The following CLCN1 variants were observed in gnomAD, a reference collection of about 807,000 sequenced individuals.
CLCN1 encodes chloride voltage-gated channel 1, also known as chloride channel protein 1.
CLCN1 carries 100 observed loss-of-function variants against 114.5 expected under a neutral mutation model. The observed-to-expected ratio is 0.87, with a 90% CI of 0.74 to 1.03. The LOEUF (loss-of-function observed/expected upper bound fraction) is 1.03. Among genes scored for constraint, CLCN1 ranks in the 50% least tolerant of loss-of-function variants. The pLI, the probability that CLCN1 is intolerant of heterozygous loss-of-function variation, is 0.00. For synonymous variants in CLCN1, 485 were observed against 487.1 expected (o/e 1.00, Z 0.06); for missense variants, 1,188 against 1,250.0 (o/e 0.95, Z 0.75).
intron 12 of CLCN1, among the ~76,000 whole-genome samples, chr7:143,333,223 C>T (rs539464310): frequency 3.3e-5 from 5 of 151,870 alleles, no homozygotes; most frequent in Non-Finnish European, 7.4e-5. Context: ...ATCACTTGAA[C>T]CTGGGAAGTG....
At position 143,331,535 on chromosome 7, in the gene CLCN1, T is replaced by A; in HGVS notation, c.1065-16T>A. ...TCATGTCTGTAAGATTCCAACTCTA[T>A]AAATTACACCCTCAGGATTTGCTGT... On this transcript the variant is annotated splice_polypyrimidine_tract_variant and intron_variant, in intron 9 of 22. Transcript: ENST00000343257. 1 of 1,574,538 alleles carries A rather than the reference T, an allele frequency of 6.4e-7. No individual in the cohort carries two copies. Among genetic ancestry groups the A allele is most frequent in the Non-Finnish European group, 8.7e-7 (1 of 1,144,090 alleles).
chr7:143,348,825 C>T (rs1295625715), intron 20 of CLCN1, among the ~76,000 whole-genome samples: 2 of 152,160 alleles, frequency 1.3e-5, no homozygotes, highest in African/African-American at 2.4e-5. Context: ...TCAACAGCAA[C>T]GTCCTGCATC....
At chr7:143,326,611 A>G (rs1227683145) in intron 7 of CLCN1, among the ~76,000 whole-genome samples, 2 of 152,126 alleles carry the variant, frequency 1.3e-5, no homozygotes, top group Non-Finnish European at 2.9e-5. Context: ...TTCACAAAAG[A>G]GGTGGTGTTT....
chr7:143,331,824 G>A (rs751068288), intron 10 of CLCN1, among the ~76,000 whole-genome samples, 172 bp downstream of exon 10: 1 of 152,044 alleles, frequency 6.6e-6, no homozygotes, highest in Non-Finnish European at 1.5e-5. Flanking sequence ...CCCATTTAAA[G>A]ATTATTTTTG....
At position 143,319,867 on chromosome 7, in the gene CLCN1, A is replaced by C; in HGVS notation, c.293A>C (p.Lys98Thr). 1 of 1,613,872 alleles carries C rather than the reference A, an allele frequency of 6.2e-7. No homozygotes were observed. The highest frequency in any genetic ancestry group is 8.5e-7 in the Non-Finnish European group (1 of 1,179,786). Reference sequence around the variant, plus strand: ...AGCAAGGATGAGGATCACTATTCTAAATGTCAAGGTGATGGGGACTGAGGA... The same window carrying C: ...AGCAAGGATGAGGATCACTATTCTACATGTCAAGGTGATGGGGACTGAGGA... Reference protein sequence around the residue: ...VDSKDEDHYSKCQDCIHRLGQ... With the variant: ...VDSKDEDHYSTCQDCIHRLGQ... The change falls in exon 2 of 23, where the codon AAA becomes ACA. Residue 98 changes from lysine to threonine, a missense_variant. Transcript: ENST00000343257.
At chr7:143,340,069 A>G (rs1803037737) in intron 14 of CLCN1, among the ~76,000 whole-genome samples, 1 of 152,226 alleles carries the variant, frequency 6.6e-6, no homozygotes, top group African/African-American at 2.4e-5. Context: ...ACCAGTCACC[A>G]TGAAGCAAGA....
At chr7:143,323,287 C>T (rs895172266) in intron 5 of CLCN1, 22 bp from the exon 6 acceptor site, 5 of 1,452,760 alleles carry the variant, frequency 3.4e-6, no homozygotes, top group Non-Finnish European at 9.7e-7. Context: ...TGACCCCCGC[C>T]CCCTCGCTCC....
At position 143,324,609 on chromosome 7, in the gene CLCN1, T is replaced by C; in HGVS notation, c.853+117T>C. 1.3e-6 allele frequency: 1 copy of C among 792,202 alleles called. No homozygotes were observed. Among genetic ancestry groups the C allele is most frequent in the Non-Finnish European group, 2.2e-6 (1 of 448,856 alleles). 49.1% of individuals were successfully genotyped at this position (792,202 alleles called of 1,614,324 possible). A position where few individuals can be genotyped will look rare whatever the true frequency, so the allele number is the denominator to read the frequency against. On this transcript the variant is annotated intron_variant, in intron 7 of 22. Coordinates refer to ENST00000343257, the MANE Select transcript of CLCN1 (RefSeq NM_000083.3). This position sits in a 1 kb window ranked among gnomAD's most constrained non-coding sequence, Gnocchi z 4.6. Reference sequence around the variant, plus strand: ...AGGTTACTTACGAGAATAGCTGACTTTTAGTAAGCCTTTGCTATGTGCCAG... The same window carrying C: ...AGGTTACTTACGAGAATAGCTGACTCTTAGTAAGCCTTTGCTATGTGCCAG...
chr7:143,332,985 C>A, intron 12 of CLCN1, 112 bp downstream of exon 12: 1 of 1,217,244 alleles, frequency 8.2e-7, no homozygotes, highest in Non-Finnish European at 1.2e-6. Context: ...TTCATCCAAC[C>A]TAAAAATAAG....
intron 7 of CLCN1, among the ~76,000 whole-genome samples, chr7:143,327,813 C>G (rs1802614164): frequency 1.3e-5 from 2 of 152,132 alleles, no homozygotes; most frequent in South Asian, 4.1e-4. Flanking sequence ...GCCACTATGC[C>G]TGGCTAATTT....
Position 143,332,489 on chromosome 7 carries a change from T to C in CLCN1, c.1237T>C (p.Phe413Leu). The C allele has an allele frequency of 1.2e-6, 2 of 1,613,890 alleles. No individual in the cohort carries two copies. Among genetic ancestry groups the C allele is most frequent in the Non-Finnish European group, 1.7e-6 (2 of 1,179,768 alleles). The change falls in exon 11 of 23, where the codon TTC (phenylalanine) becomes CTC (leucine). Residue 413 changes from phenylalanine (F) to leucine (L), a missense_variant. Transcript: ENST00000343257. ...CACCTTCCCACCAGGAATGGGTCAA[T>C]TCATGGCTGGAGAGGTCAGCTGTTG... ...SFTFPPGMGQ[F>L]MAGELMPREA... is the part of the protein sequence containing the mutation.
Position 143,324,362 on chromosome 7 carries a change from T to C in CLCN1, c.775-52T>C, listed in dbSNP as rs1563075795. ...ATCCCTGCTTGTTCTGTCCTCTGCC[T>C]GCCCACCTCCCTCTCTTCCACCTGT... On this transcript the variant is annotated intron_variant, in intron 6 of 22. Transcript: ENST00000343257. The surrounding 1 kb of genome is among the most constrained non-coding windows in gnomAD (Gnocchi z 4.6). 1 of 1,374,388 alleles carries C rather than the reference T, an allele frequency of 7.3e-7. No individual in the cohort carries two copies. The highest frequency in any genetic ancestry group is 2.3e-5 in the East Asian group (1 of 43,746). 85.1% of individuals were successfully genotyped at this position (1,374,388 alleles called of 1,614,324 possible).
In CLCN1 at chr7:143,351,969, C is replaced by A; in HGVS notation, c.*4C>A. 1.9e-6 allele frequency: 3 copies of A among 1,612,390 alleles called. No homozygotes were observed. Among genetic ancestry groups the A allele is most frequent in the Admixed American group, 3.3e-5 (2 of 60,022 alleles). On this transcript the variant is annotated 3_prime_UTR_variant, in exon 23 of 23. Coordinates refer to ENST00000343257, the MANE Select transcript of CLCN1 (RefSeq NM_000083.3). ...TGAGGATGAACTGATCCTTTGACCC[C>A]CTCCCACGACCTCCTCATAAAGACC...
intron 16 of CLCN1, among the ~76,000 whole-genome samples, chr7:143,344,302 A>G (rs551009199): frequency 6.6e-6 from 1 of 152,334 alleles, no homozygotes; most frequent in South Asian, 2.1e-4. Context: ...TTCCTTGAGA[A>G]TAGAGGCTAT....
chr7:143,341,881 C>A (rs1472805680), intron 14 of CLCN1, 48 bp from the exon 15 acceptor site: 3 of 1,485,530 alleles, frequency 2.0e-6, no homozygotes, highest in Non-Finnish European at 1.9e-6. Flanking sequence ...GTCCTTCATG[C>A]TAAGAACGGT....
intron 7 of CLCN1, among the ~76,000 whole-genome samples, chr7:143,328,966 C>CTTT (rs1245485134): frequency 1.4e-5 from 1 of 71,996 alleles, no homozygotes; most frequent in African/African-American, 4.4e-5. Context: ...AATTTTCTTT[C>CTTT]TTTCTTTTTT....
chr7:143,316,157 G>T lies in CLCN1; in HGVS notation c.-56G>T. 2 of 1,427,208 alleles carry T rather than the reference G, an allele frequency of 1.4e-6. No homozygotes were observed. Among genetic ancestry groups the T allele is most frequent in the African/African-American group, 1.4e-5 (1 of 71,674 alleles). 88.4% of individuals were successfully genotyped at this position (1,427,208 alleles called of 1,614,324 possible). The stretch of plus-strand genomic sequence containing the variant: ...AGCAGAGGCTTAAGGAGCTACACTG[G>T]GGGAAGGACAGGGGCAAGCAGGCCA... On this transcript the variant is annotated 5_prime_UTR_variant, in exon 1 of 23. Coordinates refer to ENST00000343257, the MANE Select transcript of CLCN1 (RefSeq NM_000083.3).
In CLCN1 at chr7:143,339,415, A is replaced by G. The variant is rs1217679380; in HGVS notation, c.1471+93A>G. The G allele has an allele frequency of 2.9e-6, 4 of 1,380,804 alleles. No homozygotes were observed. The African/African-American group carries it at 4.3e-5, about 15-fold the overall frequency. 85.5% of individuals were successfully genotyped at this position (1,380,804 alleles called of 1,614,324 possible). On this transcript the variant is annotated intron_variant, in intron 13 of 22. Transcript: ENST00000343257. The surrounding 1 kb of genome is among the most constrained non-coding windows in gnomAD (Gnocchi z 4.1). ...AAGGCCCGGGATGCTGGGAGTTTAT[A>G]TTTGTTCTTAATGCCCAAGGAGAGA...
intron 7 of CLCN1, among the ~76,000 whole-genome samples, chr7:143,330,335 T>G (rs967355724): frequency 2.0e-5 from 3 of 152,104 alleles, no homozygotes; most frequent in Admixed American, 1.3e-4. Context: ...AGAGTCCCTG[T>G]AAATCCTGAG....
Sources: gnomAD v4.1 joint callset for allele counts (sites outside exome capture counted in the v4.1 genomes callset) on GRCh38, gnomAD v4.1.1 for gene constraint, Gnocchi (gnomAD v3.1) non-coding constraint, MANE v1.5 for transcripts, NCBI Gene and HGNC (gene_info 2026-07-23, HGNC 2026-07-21) for gene names.